The following TBCE variants were observed in gnomAD, a reference collection of about 807,000 sequenced individuals.
TBCE encodes tubulin-specific chaperone E.
TBCE carries 53 observed loss-of-function variants against 77.0 expected under a neutral mutation model. That is an observed-to-expected ratio of 0.69 (90% CI 0.55 to 0.87). TBCE has a LOEUF of 0.87. TBCE is among the 40% of genes least tolerant of loss of function. The pLI, the probability that TBCE is intolerant of heterozygous loss-of-function variation, is 0.00. For synonymous variants in TBCE, 235 were observed against 241.3 expected (o/e 0.97, Z 0.24); for missense variants, 624 against 622.4 (o/e 1.00, Z -0.03).
chr1:235,386,931 T>A (rs1678045636), intron 2 of TBCE, among the ~76,000 whole-genome samples: 1 of 152,194 alleles, frequency 6.6e-6, no homozygotes. Flanking sequence ...TTTGTGGTTT[T>A]ATCTACTTTT....
chr1:235,424,860 C>T (rs1420398299), intron 5 of TBCE, among the ~76,000 whole-genome samples: 7 of 152,132 alleles, frequency 4.6e-5, no homozygotes, highest in African/African-American at 1.4e-4. Context: ...AGGCTGGTCT[C>T]GAACTCCTGA....
intron 2 of TBCE, among the ~76,000 whole-genome samples, chr1:235,390,381 G>A (rs1284262932): frequency 6.6e-6 from 1 of 152,112 alleles, no homozygotes; most frequent in South Asian, 2.1e-4. Flanking sequence ...AATTAAGGTT[G>A]CTAATCAGCT....
chr1:235,387,660 G>T (rs546644597), intron 2 of TBCE, among the ~76,000 whole-genome samples: 2 of 152,248 alleles, frequency 1.3e-5, no homozygotes, highest in African/African-American at 4.8e-5. Context: ...GAAAAGTGCA[G>T]TATTAGGGTG....
At chr1:235,387,806 G>A (rs149864805) in intron 2 of TBCE, among the ~76,000 whole-genome samples, 96 of 152,232 alleles carry the variant, frequency 6.3e-4, no homozygotes, top group African/African-American at 2.0e-3. Flanking sequence ...CCAAAAGAGG[G>A]TTCTTGGATC....
chr1:235,415,477 G>A (rs1281773177), intron 4 of TBCE: 2 of 152,208 alleles, frequency 1.3e-5, no homozygotes, highest in African/African-American at 4.8e-5. Context: ...TCCTACTGTG[G>A]TGAGTGACTT....
intron 14 of TBCE, among the ~76,000 whole-genome samples, chr1:235,442,415 C>A (rs1263408872): frequency 6.6e-6 from 1 of 152,224 alleles, no homozygotes; most frequent in Non-Finnish European, 1.5e-5. Flanking sequence ...GGAGATCCAC[C>A]CGCCTCGGCC....
chr1:235,437,546 T>A (rs1418877243), intron 12 of TBCE, 72 bp downstream of exon 12: 5 of 1,568,414 alleles, frequency 3.2e-6, no homozygotes, highest in Non-Finnish European at 4.3e-6. Context: ...GCGCCGTGGC[T>A]CACACCTGTA....
chr1:235,401,337 T>C (rs1679087269), intron 2 of TBCE, among the ~76,000 whole-genome samples, 166 bp from the exon 3 acceptor site: 1 of 152,174 alleles, frequency 6.6e-6, no homozygotes, highest in South Asian at 2.1e-4. Context: ...TGCTATGGCA[T>C]TTGCTGATTG....
Position 235,449,013 on chromosome 1 carries a change from T to C in TBCE, c.*251T>C, listed in dbSNP as rs771392750. Reference sequence around the variant, plus strand: ...CATATTTATTTTTACAGCTCATCACTGCATTTCATGATAAGATTTAAATAT... The same window carrying C: ...CATATTTATTTTTACAGCTCATCACCGCATTTCATGATAAGATTTAAATAT... On this transcript the variant is annotated 3_prime_UTR_variant, in exon 17 of 17. Transcript: ENST00000642610. The C allele has an allele frequency of 1.0e-5, 4 of 394,918 alleles. No homozygotes were observed. The highest frequency in any genetic ancestry group is 1.9e-5 in the Non-Finnish European group (4 of 210,794). The allele number at this position is 394,918 out of a possible 1,614,324, so 24.5% of individuals were successfully genotyped here.
At chr1:235,387,099 C>T (rs921256214) in intron 2 of TBCE, among the ~76,000 whole-genome samples, 2 of 152,214 alleles carry the variant, frequency 1.3e-5, no homozygotes, top group African/African-American at 4.8e-5. Flanking sequence ...GCAGCAGTGG[C>T]TGCAGAACAG....
intron 3 of TBCE, among the ~76,000 whole-genome samples, 197 bp from the exon 4 acceptor site, chr1:235,414,236 T>C (rs1044535764): frequency 6.6e-6 from 1 of 152,218 alleles, no homozygotes; most frequent in African/African-American, 2.4e-5. Context: ...TTAAAGGGAT[T>C]TAACATGCTT....
In TBCE at chr1:235,450,542, G is replaced by A. The variant is rs952257453; in HGVS notation, c.*1780G>A. On this transcript the variant is annotated 3_prime_UTR_variant, in exon 17 of 17. Coordinates refer to ENST00000642610, the MANE Select transcript of TBCE (RefSeq NM_003193.5). ...CACCAGGTCCCACAGTCCTGTGGCT[G>A]TGGAATACAGAAACAAGGCGGTGTG... is the stretch of plus-strand genomic sequence containing the variant. 3.6e-6 allele frequency: 2 copies of A among 550,744 alleles called. No homozygotes were observed. Among genetic ancestry groups the A allele is most frequent in the Non-Finnish European group, 3.2e-6 (1 of 313,498 alleles). The allele number at this position is 550,744 out of a possible 1,614,324, so 34.1% of individuals were successfully genotyped here.
intron 4 of TBCE, among the ~76,000 whole-genome samples, chr1:235,417,870 C>T (rs193066531): frequency 1.3e-5 from 2 of 151,886 alleles, no homozygotes; most frequent in Admixed American, 6.6e-5. Context: ...TCCACCCTCC[C>T]GGGTTCAAGC....
At chr1:235,371,169 A>G (rs182435019) in intron 1 of TBCE, among the ~76,000 whole-genome samples, 92 of 138,426 alleles carry the variant, frequency 6.6e-4, no homozygotes, top group African/African-American at 2.2e-3. Flanking sequence ...CAATTCTGCC[A>G]CCTCAGCCTC....
chr1:235,382,916 C>G (rs1677769462), intron 2 of TBCE, among the ~76,000 whole-genome samples: 1 of 150,902 alleles, frequency 6.6e-6, no homozygotes, highest in South Asian at 2.1e-4. Flanking sequence ...ATGGTATTGC[C>G]TAGGTTTTCT....
intron 3 of TBCE, among the ~76,000 whole-genome samples, chr1:235,410,354 A>G (rs763671320): frequency 8.5e-5 from 13 of 152,164 alleles, no homozygotes; most frequent in Non-Finnish European, 1.5e-4. Context: ...TATATGCTAA[A>G]CAAGGGGTGG....
At chr1:235,371,407 C>A (rs368972619) in intron 1 of TBCE, among the ~76,000 whole-genome samples, 42 of 148,364 alleles carry the variant, frequency 2.8e-4, no homozygotes, top group African/African-American at 9.9e-4. Flanking sequence ...ACAGGGTCTC[C>A]CTCTGTCACC....
Position 235,380,077 on chromosome 1 carries a change from A to G in TBCE, c.28A>G (p.Ile10Val). 1 of 1,613,322 alleles carries G rather than the reference A, an allele frequency of 6.2e-7. No individual in the cohort carries two copies. Among genetic ancestry groups the G allele is most frequent in the Non-Finnish European group, 8.5e-7 (1 of 1,179,704 alleles). Residue 10 changes from isoleucine (I) to valine (V), a missense_variant, in exon 2 of 17, where the codon ATT (isoleucine) becomes GTT (valine). Transcript: ENST00000642610. Reference sequence around the variant, plus strand: ...GAGTGACACTTTGACAGCGGATGTCATTGGTCGAAGAGTTGAAGTTAATGG... The same window carrying G: ...GAGTGACACTTTGACAGCGGATGTCGTTGGTCGAAGAGTTGAAGTTAATGG... MSDTLTADV[I>V]GRRVEVNGEH...
rs1339227179 is a variant in TBCE, at chr1:235,436,574, A to T, written c.929A>T (p.Lys310Met). The T allele has an allele frequency of 6.2e-7, 1 of 1,614,060 alleles. No homozygotes were observed. Residue 310 changes from lysine (K) to methionine (M), a missense_variant, in exon 11 of 17, where the codon AAG (lysine) becomes ATG (methionine). Lys to Met is a moderately conservative substitution (Grantham distance 95, BLOSUM62 -1). Coordinates refer to ENST00000642610, the MANE Select transcript of TBCE (RefSeq NM_003193.5). ...GCKTSMFPSL[K>M]YLVVNDNQIS... Reference sequence around the variant, plus strand: ...AAAACGTCCATGTTCCCATCCTTGAAGTACCTGGTAGTAAACGACAATCAG... The same window carrying T: ...AAAACGTCCATGTTCCCATCCTTGATGTACCTGGTAGTAAACGACAATCAG...
Sources: gnomAD v4.1 joint callset for allele counts (sites outside exome capture counted in the v4.1 genomes callset) on GRCh38, gnomAD v4.1.1 for gene constraint, MANE v1.5 for transcripts, NCBI Gene and HGNC (gene_info 2026-07-23, HGNC 2026-07-21) for gene names.